GAS2: variants seen among roughly 807,000 people sequenced by gnomAD.
GAS2 encodes growth arrest specific 2.
Under a neutral mutation model 37.5 loss-of-function variants are expected in GAS2, and 20 were observed. The ratio of observed to expected loss-of-function variants is 0.53; its 90% CI spans 0.37 to 0.77. The LOEUF (loss-of-function observed/expected upper bound fraction) is 0.77. Among genes scored for constraint, GAS2 ranks in the 30% least tolerant of loss-of-function variants. The probability of loss-of-function intolerance (pLI) is 0.00; values close to 1 mark genes in which losing one functional copy is unlikely to be tolerated. For synonymous variants in GAS2, 144 were observed against 132.2 expected (o/e 1.09, Z -0.61); for missense variants, 336 against 373.4 (o/e 0.90, Z 0.82).
chr11:22,808,438 C>T (rs1206902775), intron 7 of GAS2, among the ~76,000 whole-genome samples: 1 of 152,134 alleles, frequency 6.6e-6, no homozygotes, highest in Non-Finnish European at 1.5e-5. Context: ...AAATTTAATT[C>T]CTGTATTATT....
At chr11:22,740,040 T>C (rs116300991) in intron 5 of GAS2, among the ~76,000 whole-genome samples, 7 of 152,134 alleles carry the variant, frequency 4.6e-5, no homozygotes. Context: ...TATAGCCAAG[T>C]CATCAAAGAA....
At chr11:22,744,928 A>G (rs541555024) in intron 5 of GAS2, among the ~76,000 whole-genome samples, 1 of 152,214 alleles carries the variant, frequency 6.6e-6, no homozygotes, top group African/African-American at 2.4e-5. Flanking sequence ...GAGAAGTGAA[A>G]GATCTCTACA....
chr11:22,749,311 T>C, intron 6 of GAS2, 50 bp downstream of exon 6: 1 of 1,515,122 alleles, frequency 6.6e-7, no homozygotes, highest in Non-Finnish European at 9.1e-7. Context: ...TTTCTTGCAC[T>C]ACAAAACATA....
At chr11:22,794,097 C>G (rs993039205) in intron 7 of GAS2, among the ~76,000 whole-genome samples, 4 of 115,610 alleles carry the variant, frequency 3.5e-5, no homozygotes, top group African/African-American at 1.3e-4. Context: ...AAGATCTTCA[C>G]AGTAATAAAA....
chr11:22,666,497 G>A (rs987933730), upstream of GAS2: 2 of 152,274 alleles, frequency 1.3e-5, no homozygotes, highest in Non-Finnish European at 2.9e-5. Flanking sequence ...GGACAAGGAG[G>A]GGGCTGGAGC....
chr11:22,687,976 T>C (rs374453698), intron 3 of GAS2, among the ~76,000 whole-genome samples: 26 of 152,340 alleles, frequency 1.7e-4, no homozygotes, highest in African/African-American at 5.3e-4. Flanking sequence ...ATTAAGGCTG[T>C]TGTGCAGTTC....
chr11:22,789,301 TATACACAC>T (rs1290952340), intron 7 of GAS2, among the ~76,000 whole-genome samples: 41 of 98,220 alleles, frequency 4.2e-4, no homozygotes, highest in African/African-American at 1.8e-3. Flanking sequence ...TATATATATA[TATACACAC>T]ACACACACAC....
intron 3 of GAS2, among the ~76,000 whole-genome samples, chr11:22,696,127 G>T (rs965983128): frequency 6.0e-5 from 8 of 132,672 alleles, no homozygotes; most frequent in African/African-American, 2.3e-4. Flanking sequence ...AGAGTGTGAT[G>T]TTCCCCTTCC....
intron 7 of GAS2, among the ~76,000 whole-genome samples, chr11:22,775,240 T>A (rs1855196226): frequency 6.6e-6 from 1 of 152,164 alleles, no homozygotes; most frequent in Admixed American, 6.5e-5. Context: ...AGATAATGAA[T>A]TGAAAAGGTA....
At chr11:22,696,586 A>G (rs2133996904) in intron 3 of GAS2, among the ~76,000 whole-genome samples, 1 of 152,150 alleles carries the variant, frequency 6.6e-6, no homozygotes, top group South Asian at 2.1e-4. Context: ...CTACTTCTCC[A>G]TATCCTCTCC....
chr11:22,720,760 G>C (rs1375854004), intron 3 of GAS2, among the ~76,000 whole-genome samples: 2 of 151,940 alleles, frequency 1.3e-5, no homozygotes, highest in Non-Finnish European at 2.9e-5. Flanking sequence ...GTAATCAAGG[G>C]GAGTAGTATG....
chr11:22,678,616 G>C (rs1284794326), intron 2 of GAS2, among the ~76,000 whole-genome samples: 1 of 151,926 alleles, frequency 6.6e-6, no homozygotes, highest in Non-Finnish European at 1.5e-5. Context: ...CTTATTTCTA[G>C]TATGCTTGTC....
At chr11:22,759,472 A>AT (rs1242129735) in intron 7 of GAS2, among the ~76,000 whole-genome samples, 3 of 152,018 alleles carry the variant, frequency 2.0e-5, no homozygotes, top group African/African-American at 4.8e-5. Context: ...CCAAATGGGA[A>AT]TTTTTTTTGT....
At position 22,749,253 on chromosome 11, in the gene GAS2, G is replaced by A; in HGVS notation, c.607G>A (p.Asp203Asn). Residue 203 changes from aspartate to asparagine, a missense_variant, in exon 6 of 8, where the codon GAT becomes AAT. Coordinates refer to ENST00000454584, the MANE Select transcript of GAS2 (RefSeq NM_001143830.3). ...SGKKSTGNLL[D>N]DAVKRISEDP... Reference sequence around the variant, plus strand: ...AAAAAAGAGTACAGGAAACTTACTGGATGATGCAGTAAGTAAAATCAGTCA... The same window carrying A: ...AAAAAAGAGTACAGGAAACTTACTGAATGATGCAGTAAGTAAAATCAGTCA... The A allele has an allele frequency of 6.2e-7, 1 of 1,610,648 alleles. No homozygotes were observed. Among genetic ancestry groups the A allele is most frequent in the African/African-American group, 1.3e-5 (1 of 74,652 alleles).
At chr11:22,746,720 G>GGGAA (rs1389068708) in intron 5 of GAS2, among the ~76,000 whole-genome samples, 2 of 152,072 alleles carry the variant, frequency 1.3e-5, no homozygotes, top group Admixed American at 6.5e-5. Context: ...AAGGGAGGGA[G>GGGAA]GAAAGGCTAA....
chr11:22,780,632 GA>G (rs1406173580), intron 7 of GAS2, among the ~76,000 whole-genome samples: 6 of 148,946 alleles, frequency 4.0e-5, no homozygotes, highest in Non-Finnish European at 7.4e-5. Flanking sequence ...GTTACTTAAA[GA>G]AGGTAAAAGA....
At chr11:22,697,137 A>G (rs1428871075) in intron 3 of GAS2, among the ~76,000 whole-genome samples, 9 of 152,156 alleles carry the variant, frequency 5.9e-5, no homozygotes, top group Non-Finnish European at 1.0e-4. Flanking sequence ...GTAAGGAAGG[A>G]ATCCAATTTT....
intron 1 of GAS2, 80 bp from the exon 2 acceptor site, chr11:22,674,770 G>A: frequency 9.0e-7 from 1 of 1,116,846 alleles, no homozygotes; most frequent in South Asian, 1.7e-5. Context: ...CGCGGATCCA[G>A]TTCATTATAA....
chr11:22,659,222 G>A (rs1164294694), intron 1 of GAS2, among the ~76,000 whole-genome samples: 1 of 152,114 alleles, frequency 6.6e-6, no homozygotes, highest in Non-Finnish European at 1.5e-5. Context: ...TTTACTATTA[G>A]CTCTGATAAT....
Sources: gnomAD v4.1 joint callset for allele counts (sites outside exome capture counted in the v4.1 genomes callset) on GRCh38, gnomAD v4.1.1 for gene constraint, MANE v1.5 for transcripts, NCBI Gene and HGNC (gene_info 2026-07-23, HGNC 2026-07-21) for gene names.